GALNTL6: variants seen among roughly 807,000 people sequenced by gnomAD.
The protein encoded by GALNTL6 is polypeptide N-acetylgalactosaminyltransferase like 6, also known as polypeptide N-acetylgalactosaminyltransferase-like 6.
In GALNTL6, 46 loss-of-function variants were observed where a neutral mutation model predicts 73.7. That is an observed-to-expected ratio of 0.62 (90% CI 0.49 to 0.80). GALNTL6 has a LOEUF of 0.80. Among genes scored for constraint, GALNTL6 ranks in the 30% least tolerant of loss-of-function variants. The pLI, the probability that GALNTL6 is intolerant of heterozygous loss-of-function variation, is 0.00. For missense variants in GALNTL6, 604 were observed against 755.0 expected (o/e 0.80, Z 2.34); for synonymous variants, 259 against 263.7 (o/e 0.98, Z 0.17).
chr4:172,482,573 G>A (rs866792216), intron 5 of GALNTL6, among the ~76,000 whole-genome samples: 3 of 152,180 alleles, frequency 2.0e-5, no homozygotes, highest in South Asian at 2.1e-4. Context: ...GGAGAACAAC[G>A]CAAGTAAAAA....
intron 8 of GALNTL6, among the ~76,000 whole-genome samples, chr4:172,905,155 G>GA (rs1336212699): frequency 1.3e-5 from 2 of 151,732 alleles, no homozygotes; most frequent in African/African-American, 4.8e-5. Flanking sequence ...AGTGCAAAAT[G>GA]AAAAAAAGAA....
chr4:172,881,678 G>A lies in GALNTL6; in HGVS notation c.924-1112G>A, dbSNP rs1254118120. Among the ~76,000 whole-genome samples, 10 of 152,100 alleles carry A rather than the reference G, an allele frequency of 6.6e-5. No individual in the cohort carries two copies. In the East Asian group the frequency reaches 1.5e-3, roughly 23 times the overall value. On this transcript the variant is annotated intron_variant, in intron 7 of 12. Transcript: ENST00000506823. ...ATATCAACATTTGAAATGTTGTACT[G>A]TTATTTATAAATATCCTTTGTTTCA...
chr4:173,035,058 T>A (rs1038357157), intron 12 of GALNTL6, among the ~76,000 whole-genome samples: 10 of 152,062 alleles, frequency 6.6e-5, no homozygotes, highest in African/African-American at 2.4e-4. Flanking sequence ...CTCACCCTCA[T>A]CTACAATCTC....
intron 8 of GALNTL6, among the ~76,000 whole-genome samples, chr4:172,891,700 A>AT (rs1479780480): frequency 2.6e-5 from 4 of 152,110 alleles, no homozygotes; most frequent in Non-Finnish European, 5.9e-5. Flanking sequence ...AAGACTGGAA[A>AT]TTTTTTATAG....
At position 172,019,430 on chromosome 4, in the gene GALNTL6, C is replaced by T. The variant is rs187191145; in HGVS notation, c.138+204712C>T. 2.9e-3 allele frequency among the ~76,000 whole-genome samples: 446 copies of T among 152,042 alleles called. 1 individual carries two copies. Among genetic ancestry groups the T allele is most frequent in the Admixed American group, 5.0e-3 (76 of 15,258 alleles). ...TCTGTTGCCTATGAGAAACACACTTCACCTATAAAGTTACAAACAGACTGA... is the reference window on the plus strand; with the variant it reads ...TCTGTTGCCTATGAGAAACACACTTTACCTATAAAGTTACAAACAGACTGA... On this transcript the variant is annotated intron_variant, in intron 2 of 12. Coordinates refer to ENST00000506823, the MANE Select transcript of GALNTL6 (RefSeq NM_001034845.3).
chr4:171,968,131 A>C (rs1399970955), intron 2 of GALNTL6, among the ~76,000 whole-genome samples: 4 of 151,942 alleles, frequency 2.6e-5, no homozygotes, highest in Non-Finnish European at 5.9e-5. Context: ...TTTTATTCTC[A>C]AGATTCTAAC....
chr4:172,483,004 A>C (rs1384441464), intron 5 of GALNTL6, among the ~76,000 whole-genome samples: 2 of 88,650 alleles, frequency 2.3e-5, no homozygotes, highest in East Asian at 9.3e-4. Context: ...AAATGAGTTT[A>C]TGTATATATA....
chr4:172,105,195 T>C (rs573641825), intron 2 of GALNTL6, among the ~76,000 whole-genome samples: 1 of 152,130 alleles, frequency 6.6e-6, no homozygotes, highest in African/African-American at 2.4e-5. Flanking sequence ...AATAAAAATA[T>C]GATCTTTAAA....
At chr4:171,913,320 G>A (rs1308979711) in intron 2 of GALNTL6, among the ~76,000 whole-genome samples, 1 of 152,200 alleles carries the variant, frequency 6.6e-6, no homozygotes, top group Non-Finnish European at 1.5e-5. Flanking sequence ...AACATGGATA[G>A]TAGAATAATC....
At chr4:172,772,952 G>C (rs2110869939) in intron 5 of GALNTL6, among the ~76,000 whole-genome samples, 1 of 152,316 alleles carries the variant, frequency 6.6e-6, no homozygotes, top group South Asian at 2.1e-4. Flanking sequence ...ACAGAGATTG[G>C]AGTGACATGG....
At chr4:172,533,673 G>A (rs1054196567) in intron 5 of GALNTL6, among the ~76,000 whole-genome samples, 2 of 152,090 alleles carry the variant, frequency 1.3e-5, no homozygotes, top group Non-Finnish European at 2.9e-5. Flanking sequence ...TTAAGGCTCA[G>A]AGTTTAAGCA....
chr4:172,548,072 T>G (rs1735835623), intron 5 of GALNTL6, among the ~76,000 whole-genome samples: 1 of 152,156 alleles, frequency 6.6e-6, no homozygotes, highest in Non-Finnish European at 1.5e-5. Context: ...GATGTGAGGA[T>G]CCCAGATAAA....
At chr4:172,195,315 C>CT (rs1735723134) in intron 2 of GALNTL6, among the ~76,000 whole-genome samples, 2 of 152,174 alleles carry the variant, frequency 1.3e-5, no homozygotes, top group African/African-American at 4.8e-5. Flanking sequence ...TACAAAGAGA[C>CT]TTAGACTCCC....
At chr4:172,830,283 G>A (rs544202210) in intron 7 of GALNTL6, among the ~76,000 whole-genome samples, 3 of 152,138 alleles carry the variant, frequency 2.0e-5, no homozygotes, top group Admixed American at 6.5e-5. Context: ...ATAGTAAAAA[G>A]ATGACCAATA....
intron 10 of GALNTL6, among the ~76,000 whole-genome samples, chr4:172,973,147 T>G (rs1432305387): frequency 1.3e-5 from 2 of 152,174 alleles, no homozygotes; most frequent in African/African-American, 4.8e-5. Context: ...AAAGAAATGG[T>G]CCTCATTAGA....
At chr4:172,090,855 T>C (rs559520557) in intron 2 of GALNTL6, among the ~76,000 whole-genome samples, 79 of 152,322 alleles carry the variant, frequency 5.2e-4, no homozygotes, top group African/African-American at 1.8e-3. Context: ...TTAATCAATC[T>C]TGAGTTAACT....
At chr4:172,026,618 T>C (rs1482986133) in intron 2 of GALNTL6, among the ~76,000 whole-genome samples, 7 of 152,182 alleles carry the variant, frequency 4.6e-5, no homozygotes, top group Non-Finnish European at 8.8e-5. Flanking sequence ...ACTATTTACA[T>C]TACATAAGTA....
At chr4:172,487,789 C>A (rs988391740) in intron 5 of GALNTL6, among the ~76,000 whole-genome samples, 2 of 152,044 alleles carry the variant, frequency 1.3e-5, no homozygotes, top group African/African-American at 2.4e-5. Context: ...AAACAGAGAA[C>A]CTATGTAACA....
intron 3 of GALNTL6, among the ~76,000 whole-genome samples, chr4:172,306,297 G>T (rs985007291): frequency 6.6e-6 from 1 of 152,112 alleles, no homozygotes; most frequent in African/African-American, 2.4e-5. Flanking sequence ...GCTGAGGCAG[G>T]AGAATTGCTT....
Sources: allele counts gnomAD v4.1 joint callset (sites outside exome capture counted in the v4.1 genomes callset), GRCh38; gene constraint gnomAD v4.1.1; transcripts MANE v1.5; gene names NCBI Gene and HGNC (gene_info 2026-07-23, HGNC 2026-07-21).